KCNMA1: variants seen among roughly 807,000 people sequenced by gnomAD.
The protein encoded by KCNMA1 is Calcium-activated potassium channel subunit alpha-1.
Under a neutral mutation model 140.0 loss-of-function variants are expected in KCNMA1, and 29 were observed. That is an observed-to-expected ratio of 0.21 (90% CI 0.15 to 0.28). The LOEUF (loss-of-function observed/expected upper bound fraction) is 0.28, where lower values mean the gene tolerates loss of function less well. KCNMA1 is among the 10% of genes least tolerant of loss of function. KCNMA1 has a pLI of 1.00. For missense variants in KCNMA1, 880 were observed against 1,602.2 expected (o/e 0.55, Z 7.70); for synonymous variants, 612 against 611.9 (o/e 1.00, Z 0.00).
At chr10:76,951,002 C>A (rs904936036) in intron 21 of KCNMA1, among the ~76,000 whole-genome samples, 18 of 152,178 alleles carry the variant, frequency 1.2e-4, no homozygotes, top group Admixed American at 3.3e-4. Flanking sequence ...AGACAGCCAA[C>A]CAGTCTATAA....
chr10:77,487,561 C>G (rs2098475806), intron 1 of KCNMA1, among the ~76,000 whole-genome samples: 1 of 152,100 alleles, frequency 6.6e-6, no homozygotes, highest in Non-Finnish European at 1.5e-5. Context: ...ACCTTCAACA[C>G]AATATCCCAA....
chr10:77,487,695 G>C (rs1257687622), intron 1 of KCNMA1, among the ~76,000 whole-genome samples: 1 of 152,164 alleles, frequency 6.6e-6, no homozygotes, highest in Non-Finnish European at 1.5e-5. Context: ...AGAGTAAGTA[G>C]TCAATGAAGA....
At chr10:77,082,390 A>C (rs751378873) in intron 12 of KCNMA1, among the ~76,000 whole-genome samples, 57 of 152,062 alleles carry the variant, frequency 3.7e-4, no homozygotes, top group Non-Finnish European at 7.2e-4. Flanking sequence ...GTGTCTTCAT[A>C]TTAACCCTAC....
chr10:77,389,317 C>T (rs1445287477), intron 2 of KCNMA1, among the ~76,000 whole-genome samples: 1 of 152,192 alleles, frequency 6.6e-6, no homozygotes, highest in African/African-American at 2.4e-5. Flanking sequence ...TTCCTCGATC[C>T]TCAGCCCCTC....
At chr10:77,346,665 A>G (rs2092204375) in intron 2 of KCNMA1, among the ~76,000 whole-genome samples, 2 of 152,136 alleles carry the variant, frequency 1.3e-5, no homozygotes. Context: ...TAAATAAGTA[A>G]ACAGACTCAT....
chr10:76,996,812 G>A (rs1156330773), intron 19 of KCNMA1, among the ~76,000 whole-genome samples: 1 of 152,114 alleles, frequency 6.6e-6, no homozygotes, highest in Non-Finnish European at 1.5e-5. Flanking sequence ...TGATTTTAGG[G>A]CCCAGAAGTA....
chr10:76,884,866 C>A, downstream of KCNMA1: 10 of 1,341,342 alleles, frequency 7.5e-6, no homozygotes, highest in South Asian at 7.4e-5. Context: ...ATAAACAAAC[C>A]AATAACAGAA....
At chr10:77,437,806 C>T (rs1245899276) in intron 1 of KCNMA1, among the ~76,000 whole-genome samples, 2 of 152,142 alleles carry the variant, frequency 1.3e-5, no homozygotes, top group African/African-American at 4.8e-5. Flanking sequence ...CAGGCAAATC[C>T]CTTACCTGGC....
intron 1 of KCNMA1, among the ~76,000 whole-genome samples, chr10:77,588,920 C>T (rs547368017): frequency 6.6e-6 from 1 of 152,332 alleles, no homozygotes; most frequent in South Asian, 2.1e-4. Flanking sequence ...GGGAGCTCAC[C>T]TCCCAGGGGA....
At chr10:77,030,032 T>C (rs180973278) in intron 15 of KCNMA1, among the ~76,000 whole-genome samples, 3 of 152,304 alleles carry the variant, frequency 2.0e-5, no homozygotes. Context: ...TCAAGGAAAG[T>C]GCTGCTGAAG....
At chr10:77,248,262 T>C (rs1343762605) in intron 3 of KCNMA1, among the ~76,000 whole-genome samples, 3 of 152,242 alleles carry the variant, frequency 2.0e-5, no homozygotes, top group East Asian at 3.9e-4. Context: ...AGGGAGCCTG[T>C]TTTATACATT....
intron 3 of KCNMA1, among the ~76,000 whole-genome samples, chr10:77,186,693 C>T (rs1415685167): frequency 6.6e-6 from 1 of 151,890 alleles, no homozygotes; most frequent in Non-Finnish European, 1.5e-5. Context: ...GAAAAATGTA[C>T]AGGAACTAGG....
intron 16 of KCNMA1, among the ~76,000 whole-genome samples, chr10:77,025,998 AAT>A (rs34726010): frequency 2.7e-4 from 38 of 139,910 alleles, no homozygotes; most frequent in Non-Finnish European, 3.3e-4. Context: ...AGAAAAAAAA[AAT>A]ATATATATAT....
intron 2 of KCNMA1, among the ~76,000 whole-genome samples, chr10:77,362,766 A>G (rs1197347358): frequency 1.3e-5 from 2 of 152,130 alleles, no homozygotes; most frequent in Non-Finnish European, 2.9e-5. Flanking sequence ...ATAAGAAGAC[A>G]TGTATCCATC....
At chr10:77,072,709 C>T (rs2096258420) in intron 14 of KCNMA1, among the ~76,000 whole-genome samples, 4 of 152,178 alleles carry the variant, frequency 2.6e-5, no homozygotes, top group South Asian at 4.2e-4. Context: ...CATTTATCCA[C>T]ACAGTGAGAG....
At chr10:76,914,908 T>TC (rs765379451) in intron 24 of KCNMA1, 28 bp downstream of exon 24, 1 of 1,489,718 alleles carries the variant, frequency 6.7e-7, no homozygotes, top group Non-Finnish European at 9.4e-7. Flanking sequence ...GAACAAAAAC[T>TC]CCCCCCAAAG....
chr10:76,995,434 C>T (rs1312582743), intron 19 of KCNMA1: 8 of 392,854 alleles, frequency 2.0e-5, no homozygotes, highest in South Asian at 7.8e-5. Flanking sequence ...ACGGACTTGA[C>T]ATTTGCTCCA....
intron 2 of KCNMA1, among the ~76,000 whole-genome samples, chr10:77,403,305 G>A (rs570672253): frequency 6.6e-6 from 1 of 152,256 alleles, no homozygotes; most frequent in South Asian, 2.1e-4. Context: ...AGGTACACGG[G>A]CCAGGCAGCC....
intron 3 of KCNMA1, among the ~76,000 whole-genome samples, chr10:77,203,323 A>G (rs962383396): frequency 6.6e-6 from 1 of 152,154 alleles, no homozygotes; most frequent in Non-Finnish European, 1.5e-5. Flanking sequence ...CTAAGAATGG[A>G]CGGGCTGCTG....
Sources: allele counts gnomAD v4.1 joint callset (sites outside exome capture counted in the v4.1 genomes callset), GRCh38; gene constraint gnomAD v4.1.1; transcripts MANE v1.5; gene names NCBI Gene and HGNC (gene_info 2026-07-23, HGNC 2026-07-21).